Variants in C7 observed in about 807,000 individuals in gnomAD.
C7 encodes complement component C7.
In C7, 83 loss-of-function variants were observed where a neutral mutation model predicts 104.8. The observed-to-expected ratio is 0.79, with a 90% CI of 0.66 to 0.95. The LOEUF (loss-of-function observed/expected upper bound fraction) is 0.95, where lower values mean the gene tolerates loss of function less well. Ranked by LOEUF, C7 falls within the 40% of genes least tolerant of loss-of-function variation. C7 has a pLI of 0.00. For synonymous variants in C7, 415 were observed against 360.6 expected (o/e 1.15, Z -1.71); for missense variants, 1,070 against 1,011.2 (o/e 1.06, Z -0.79).
chr5:40,942,768 C>CTT (rs530693111), intron 6 of C7, among the ~76,000 whole-genome samples: 7 of 138,754 alleles, frequency 5.0e-5, no homozygotes, highest in African/African-American at 5.3e-5. Flanking sequence ...TTCTTTCTTT[C>CTT]TTTTTTTTTT....
At chr5:40,938,162 A>G (rs74700131) in intron 6 of C7, among the ~76,000 whole-genome samples, 2,427 of 152,294 alleles carry the variant, frequency 0.016, 61 homozygotes, top group East Asian at 0.098. Flanking sequence ...CTTAAGAAAT[A>G]GAATATTGCC....
chr5:40,971,812 C>A (rs764563391), intron 14 of C7, among the ~76,000 whole-genome samples: 1 of 151,996 alleles, frequency 6.6e-6, no homozygotes, highest in African/African-American at 2.4e-5. Context: ...TATGGCTTGC[C>A]GGTTTTCCCA....
At chr5:40,925,304 C>G (rs1047777711) in intron 1 of C7, among the ~76,000 whole-genome samples, 1 of 152,114 alleles carries the variant, frequency 6.6e-6, no homozygotes, top group Non-Finnish European at 1.5e-5. Flanking sequence ...AGGGCATAAA[C>G]AGAGTGCAGC....
chr5:40,967,384 G>A (rs1740580278), intron 14 of C7: 1 of 152,072 alleles, frequency 6.6e-6, no homozygotes, highest in Non-Finnish European at 1.5e-5. Flanking sequence ...TATTAGGTAA[G>A]ACATTCTAAG....
In C7 at chr5:40,976,205, G is replaced by A. The variant is rs113322952; in HGVS notation, c.2075-545G>A. Among the ~76,000 whole-genome samples, 259 of 152,278 alleles carry A rather than the reference G, an allele frequency of 1.7e-3. 1 individual carries two copies. Among genetic ancestry groups the A allele is most frequent in the African/African-American group, 5.6e-3 (233 of 41,554 alleles). On this transcript the variant is annotated intron_variant, in intron 15 of 17. Coordinates refer to ENST00000313164, the MANE Select transcript of C7 (RefSeq NM_000587.4). Reference sequence around the variant, plus strand: ...GTAAGAGGTTATTGTAGATCTTCTCGGCACACCAGGGAGTTCTCCATGTAT... The same window carrying A: ...GTAAGAGGTTATTGTAGATCTTCTCAGCACACCAGGGAGTTCTCCATGTAT...
At chr5:40,931,373 G>A (rs1469266583) in intron 3 of C7, among the ~76,000 whole-genome samples, 1 of 152,046 alleles carries the variant, frequency 6.6e-6, no homozygotes, top group South Asian at 2.1e-4. Flanking sequence ...ATCTTATCTT[G>A]GAGCTAGAAA....
chr5:40,980,715 C>T, intron 17 of C7, among the ~76,000 whole-genome samples: 1 of 152,206 alleles, frequency 6.6e-6, no homozygotes, highest in Non-Finnish European at 1.5e-5. Flanking sequence ...CGTCTCTTCA[C>T]TCTCTGCCCT....
intron 3 of C7, among the ~76,000 whole-genome samples, chr5:40,933,678 T>C (rs1331975529): frequency 6.6e-6 from 1 of 152,172 alleles, no homozygotes. Context: ...TCTGAATTGT[T>C]TTTGCTTGCC....
At chr5:40,954,752 C>T (rs7726621) in intron 9 of C7, 18,147 of 162,544 alleles carry the variant, frequency 0.11, 2,297 homozygotes, top group African/African-American at 0.32. Flanking sequence ...GGTGTGGTGG[C>T]GTACACCTGT....
At chr5:40,970,781 A>ACTCC (rs1740682164) in intron 14 of C7, among the ~76,000 whole-genome samples, 1 of 151,934 alleles carries the variant, frequency 6.6e-6, no homozygotes, top group Non-Finnish European at 1.5e-5. Context: ...CTGACAGGCC[A>ACTCC]CAGTGTGTGA....
At chr5:40,923,441 G>T (rs1739482914) in intron 1 of C7, among the ~76,000 whole-genome samples, 1 of 152,142 alleles carries the variant, frequency 6.6e-6, no homozygotes, top group African/African-American at 2.4e-5. Context: ...CATGGCAATA[G>T]TGAGAGCAAG....
chr5:40,953,840 T>A (rs1740229218), intron 9 of C7, among the ~76,000 whole-genome samples: 1 of 38,216 alleles, frequency 2.6e-5, no homozygotes, highest in African/African-American at 5.1e-5. Context: ...TATCAAAATA[T>A]CACATGCACC....
At chr5:40,927,419 C>A (rs552595547) in intron 1 of C7, among the ~76,000 whole-genome samples, 1 of 151,984 alleles carries the variant, frequency 6.6e-6, no homozygotes, top group Non-Finnish European at 1.5e-5. Context: ...TGAAAAGTTT[C>A]TGCATGGCAA....
Position 40,967,040 on chromosome 5 carries a change from GTC to G in C7, c.1882+2169_1882+2170del, listed in dbSNP as rs201762276. On this transcript the variant is annotated intron_variant, in intron 14 of 17. Coordinates refer to ENST00000313164, the MANE Select transcript of C7 (RefSeq NM_000587.4). ...TTTATTGTGAACCGACTGATGAAAT[GTC>G]TGTCTTTTACCTTGACTTTTCAAAG... Among the ~76,000 whole-genome samples the G allele has an allele frequency of 1.9e-3, 288 of 150,924 alleles. 3 individuals carry two copies. The East Asian group carries it at 0.041, about 22-fold the overall frequency.
At chr5:40,979,478 C>A (rs904155205) in intron 16 of C7, among the ~76,000 whole-genome samples, 1 of 151,978 alleles carries the variant, frequency 6.6e-6, no homozygotes, top group Non-Finnish European at 1.5e-5. Flanking sequence ...AGAACTAGAT[C>A]AACACTAGAT....
chr5:40,947,110 T>G lies in C7; in HGVS notation c.739-492T>G, dbSNP rs886603479. Among the ~76,000 whole-genome samples the G allele has an allele frequency of 9.2e-4, 139 of 151,460 alleles. 2 individuals carry two copies. The highest frequency in any genetic ancestry group is 3.2e-3 in the African/African-American group (133 of 41,220). On this transcript the variant is annotated intron_variant, in intron 7 of 17. Transcript: ENST00000313164. Reference sequence around the variant, plus strand: ...AGCATTACTCAGATTTTTTTTTTTTTTTTTTTTGATATTGGGTCTCACTCT... The same window carrying G: ...AGCATTACTCAGATTTTTTTTTTTTGTTTTTTTGATATTGGGTCTCACTCT...
intron 3 of C7, among the ~76,000 whole-genome samples, chr5:40,933,114 C>A (rs1003099433): frequency 6.6e-6 from 1 of 152,164 alleles, no homozygotes; most frequent in East Asian, 1.9e-4. Context: ...GAGTTCCATT[C>A]CCCACTCATA....
At chr5:40,914,603 C>T (rs1739281364) in intron 1 of C7, among the ~76,000 whole-genome samples, 1 of 152,044 alleles carries the variant, frequency 6.6e-6, no homozygotes. Flanking sequence ...TCAGGTCTTA[C>T]ATTTAAGTTT....
At chr5:40,931,237 C>G in intron 3 of C7, 98 bp downstream of exon 3, 1 of 836,666 alleles carries the variant, frequency 1.2e-6, no homozygotes, top group South Asian at 1.6e-5. Context: ...TAAATAGTGT[C>G]AATATTTTTT....
Sources: gnomAD v4.1 joint callset for allele counts (sites outside exome capture counted in the v4.1 genomes callset) on GRCh38, gnomAD v4.1.1 for gene constraint, MANE v1.5 for transcripts, NCBI Gene and HGNC (gene_info 2026-07-23, HGNC 2026-07-21) for gene names.